PDE8B: variants seen among roughly 807,000 people sequenced by gnomAD.
PDE8B encodes high affinity cAMP-specific and IBMX-insensitive 3',5'-cyclic phosphodiesterase 8B.
PDE8B carries 26 observed loss-of-function variants against 101.3 expected under a neutral mutation model. The ratio of observed to expected loss-of-function variants is 0.26; its 90% CI spans 0.19 to 0.36. The LOEUF is 0.36. PDE8B is among the 10% of genes least tolerant of loss of function. The pLI, the probability that PDE8B is intolerant of heterozygous loss-of-function variation, is 1.00. For missense variants in PDE8B, 810 were observed against 1,163.1 expected (o/e 0.70, Z 4.42); for synonymous variants, 424 against 429.3 (o/e 0.99, Z 0.15).
intron 1 of PDE8B, among the ~76,000 whole-genome samples, chr5:77,273,562 G>A (rs1763202963): frequency 6.6e-6 from 1 of 152,186 alleles, no homozygotes; most frequent in Non-Finnish European, 1.5e-5. Context: ...TGCTGTAAGA[G>A]AGGCAGGGTA....
chr5:77,403,822 TC>T (rs1369956665), intron 11 of PDE8B, among the ~76,000 whole-genome samples: 1 of 147,200 alleles, frequency 6.8e-6, no homozygotes, highest in African/African-American at 2.5e-5. Flanking sequence ...TTTCTTAAAT[TC>T]TTTTTTTTTT....
chr5:77,138,332 G>A, the PDE8B span, among the ~76,000 whole-genome samples: 1 of 151,992 alleles, frequency 6.6e-6, no homozygotes, highest in South Asian at 2.1e-4. Flanking sequence ...TAAATTTTTG[G>A]GACAGGTGAC....
chr5:77,150,855 GA>G, the PDE8B span, among the ~76,000 whole-genome samples: 5 of 152,150 alleles, frequency 3.3e-5, no homozygotes, highest in African/African-American at 1.2e-4. Flanking sequence ...GATGATTAAG[GA>G]ATTTGCCAAG....
the PDE8B span, chr5:77,113,720 A>G: frequency 6.6e-6 from 1 of 152,254 alleles, no homozygotes; most frequent in African/African-American, 2.4e-5. Context: ...ATTAGAGTGA[A>G]CAAGCAACCT....
the PDE8B span, among the ~76,000 whole-genome samples, chr5:77,091,596 G>A: frequency 6.6e-6 from 1 of 152,142 alleles, no homozygotes; most frequent in Non-Finnish European, 1.5e-5. Flanking sequence ...AGCCGAGATC[G>A]TGCAACTGCA....
At position 77,412,086 on chromosome 5, in the gene PDE8B, A is replaced by G; in HGVS notation, c.1577-14A>G. On this transcript the variant is annotated splice_polypyrimidine_tract_variant and intron_variant, in intron 15 of 21. Transcript: ENST00000264917. ...ACAATTAACCAGCCTCCCCCATCCCATCTGTTTGCTCAGATGTGCACCAGA... is the reference window on the plus strand; with the variant it reads ...ACAATTAACCAGCCTCCCCCATCCCGTCTGTTTGCTCAGATGTGCACCAGA... The G allele has an allele frequency of 6.2e-7, 1 of 1,613,926 alleles. No homozygotes were observed. Among genetic ancestry groups the G allele is most frequent in the Non-Finnish European group, 8.5e-7 (1 of 1,179,892 alleles).
the PDE8B span, among the ~76,000 whole-genome samples, chr5:77,175,080 G>A: frequency 2.0e-5 from 3 of 151,876 alleles, no homozygotes; most frequent in East Asian, 1.9e-4. Context: ...TCCTTACTCC[G>A]CTCCCCACAT....
chr5:77,369,878 T>G (rs1427735869), intron 10 of PDE8B, among the ~76,000 whole-genome samples: 6 of 152,200 alleles, frequency 3.9e-5, no homozygotes, highest in African/African-American at 1.4e-4. Flanking sequence ...TCACCCTCAG[T>G]TCACATTCCA....
intron 2 of PDE8B, among the ~76,000 whole-genome samples, chr5:77,324,185 G>C (rs1775623119): frequency 6.6e-6 from 1 of 152,118 alleles, no homozygotes; most frequent in Non-Finnish European, 1.5e-5. Context: ...ACGATATCTT[G>C]AGATTACTAT....
At chr5:77,426,167 G>A (rs1798078225) in intron 21 of PDE8B, 1 of 589,148 alleles carries the variant, frequency 1.7e-6, no homozygotes, top group South Asian at 2.0e-5. Context: ...TTACTGCAGT[G>A]TTTTTCTGTC....
chr5:77,318,846 A>G (rs1276537777), intron 2 of PDE8B, among the ~76,000 whole-genome samples: 3 of 152,192 alleles, frequency 2.0e-5, no homozygotes, highest in Non-Finnish European at 4.4e-5. Context: ...TATTCCAAAA[A>G]CTGGATGTTT....
chr5:77,306,741 G>A lies in PDE8B; in HGVS notation c.340-5253G>A, dbSNP rs117873174. Among the ~76,000 whole-genome samples the A allele has an allele frequency of 1.4e-4, 21 of 152,312 alleles. No homozygotes were observed. The East Asian group carries it at 2.7e-3, about 20-fold the overall frequency. On this transcript the variant is annotated intron_variant, in intron 1 of 21. Coordinates refer to ENST00000264917, the MANE Select transcript of PDE8B (RefSeq NM_003719.5). ...AATCACCTCTAGAGAATGTGGTGGC[G>A]TGACAGGTGAATTAACCAACCTGAA...
chr5:77,414,013 T>A (rs1795053054), intron 17 of PDE8B, among the ~76,000 whole-genome samples: 1 of 152,172 alleles, frequency 6.6e-6, no homozygotes, highest in Non-Finnish European at 1.5e-5. Context: ...CAACTAGAAC[T>A]AAAACTTAAA....
At chr5:77,387,081 C>T (rs951415039) in intron 10 of PDE8B, among the ~76,000 whole-genome samples, 6 of 151,292 alleles carry the variant, frequency 4.0e-5, no homozygotes, top group Admixed American at 1.3e-4. Context: ...GACGGGGTTT[C>T]ACCTTGTTAG....
chr5:77,399,191 T>G (rs903774260), intron 10 of PDE8B, among the ~76,000 whole-genome samples: 1 of 152,248 alleles, frequency 6.6e-6, no homozygotes, highest in African/African-American at 2.4e-5. Context: ...CAAGGTTGTT[T>G]TGATGTAAGG....
chr5:77,315,634 C>T (rs1248304812), intron 2 of PDE8B, among the ~76,000 whole-genome samples: 2 of 152,158 alleles, frequency 1.3e-5, no homozygotes, highest in Non-Finnish European at 2.9e-5. Flanking sequence ...TAATTTTTGA[C>T]TTAAATTTTG....
chr5:77,150,789 C>T, the PDE8B span, among the ~76,000 whole-genome samples: 2 of 152,168 alleles, frequency 1.3e-5, no homozygotes, highest in Non-Finnish European at 2.9e-5. Flanking sequence ...ATCCTTACAG[C>T]AACCCAGAGG....
At chr5:77,129,952 G>C in the PDE8B span, among the ~76,000 whole-genome samples, 1 of 152,162 alleles carries the variant, frequency 6.6e-6, no homozygotes, top group Non-Finnish European at 1.5e-5. Flanking sequence ...GAAACTCCTA[G>C]ATGGCCTTGA....
intron 10 of PDE8B, among the ~76,000 whole-genome samples, chr5:77,380,490 T>A (rs1488673645): frequency 6.6e-6 from 1 of 152,218 alleles, no homozygotes; most frequent in Non-Finnish European, 1.5e-5. Flanking sequence ...TAAATGGACA[T>A]TTCTCTCAGC....
Sources: allele counts gnomAD v4.1 joint callset (sites outside exome capture counted in the v4.1 genomes callset), GRCh38; gene constraint gnomAD v4.1.1; transcripts MANE v1.5; gene names NCBI Gene and HGNC (gene_info 2026-07-23, HGNC 2026-07-21).